CDK12: variants seen among roughly 807,000 people sequenced by gnomAD.
CDK12 encodes cyclin-dependent kinase 12.
A neutral mutation model predicts 133.8 loss-of-function variants in CDK12; 17 were observed. That is an observed-to-expected ratio of 0.13 (90% confidence interval 0.09 to 0.19). The LOEUF (loss-of-function observed/expected upper bound fraction) is 0.19, where lower values mean the gene tolerates loss of function less well. Ranked by LOEUF, CDK12 falls within the 10% of genes least tolerant of loss-of-function variation. The pLI is 1.00. For synonymous variants in CDK12, 694 were observed against 683.6 expected (o/e 1.02, Z -0.24); for missense variants, 1,508 against 1,818.7 (o/e 0.83, Z 3.11).
intron 6 of CDK12, among the ~76,000 whole-genome samples, chr17:39,505,648 T>G (rs2053066910): frequency 6.6e-6 from 1 of 152,188 alleles, no homozygotes; most frequent in Non-Finnish European, 1.5e-5. Flanking sequence ...GAAAAGAGAT[T>G]GACATGCTTT....
chr17:39,504,876 T>A (rs2052982860), intron 6 of CDK12, among the ~76,000 whole-genome samples: 1 of 11,538 alleles, frequency 8.7e-5, no homozygotes, highest in Non-Finnish European at 3.0e-4. Flanking sequence ...CAAGACCCTG[T>A]CTCAAAAAAA....
intron 2 of CDK12, among the ~76,000 whole-genome samples, chr17:39,474,370 G>A (rs1340655898): frequency 6.6e-6 from 1 of 152,134 alleles, no homozygotes; most frequent in Non-Finnish European, 1.5e-5. Context: ...CCAGGCTGGA[G>A]TGCAGTGGTG....
upstream of CDK12, chr17:39,549,450 A>C (rs1321736164): frequency 6.6e-6 from 1 of 152,190 alleles, no homozygotes; most frequent in Non-Finnish European, 1.5e-5. Context: ...TGGTGCCCAC[A>C]TGAACATCTC....
At chr17:39,538,069 A>T (rs2055223173), downstream of CDK12, among the ~76,000 whole-genome samples, 1 of 152,212 alleles carries the variant, frequency 6.6e-6, no homozygotes, top group Admixed American at 6.5e-5. Flanking sequence ...AACCCCTAGG[A>T]TACTATGAAG....
At chr17:39,467,212 C>T (rs1262645114) in intron 1 of CDK12, among the ~76,000 whole-genome samples, 1 of 151,836 alleles carries the variant, frequency 6.6e-6, no homozygotes. Flanking sequence ...CTCTTGACCT[C>T]AGGATCTGCC....
chr17:39,470,605 A>T (rs2049720566), intron 1 of CDK12, among the ~76,000 whole-genome samples: 1 of 152,126 alleles, frequency 6.6e-6, no homozygotes, highest in African/African-American at 2.4e-5. Flanking sequence ...CATAATTATA[A>T]ACTGGAGTCC....
intron 2 of CDK12, among the ~76,000 whole-genome samples, chr17:39,554,393 C>T (rs1300165156): frequency 6.6e-6 from 1 of 152,160 alleles, no homozygotes; most frequent in Non-Finnish European, 1.5e-5. Context: ...CATAGATCTT[C>T]AGAAGTGTCG....
intron 8 of CDK12, among the ~76,000 whole-genome samples, chr17:39,513,806 G>A (rs894885166): frequency 1.3e-5 from 2 of 152,192 alleles, no homozygotes; most frequent in African/African-American, 2.4e-5. Context: ...CTACTTTGGT[G>A]ATTCATGGTA....
downstream of CDK12, among the ~76,000 whole-genome samples, chr17:39,535,743 C>A (rs1448911771): frequency 4.6e-5 from 7 of 152,140 alleles, no homozygotes. Flanking sequence ...ATGGTTAATG[C>A]CTCAAAGAAG....
At position 39,471,089 on chromosome 17, in the gene CDK12, G is replaced by A. The variant is rs972592770; in HGVS notation, c.1257G>A (p.Glu419=). Residue 419 remains glutamate (E), a synonymous_variant, in exon 2 of 14, where the codon GAG becomes GAA. Transcript: ENST00000447079. ...CTGCAGCAAAGATGGATGGAAAGGA[G>A]TCCAAGGGTTCACCTGTATTTTTGC... ...AAAAAKMDGK[E]SKGSPVFLPR... 1 of 1,613,196 alleles carries A rather than the reference G, an allele frequency of 6.2e-7. No homozygotes were observed. The highest frequency in any genetic ancestry group is 2.2e-5 in the East Asian group (1 of 44,876).
downstream of CDK12, among the ~76,000 whole-genome samples, chr17:39,538,665 A>T (rs1365678133): frequency 6.6e-6 from 1 of 152,162 alleles, no homozygotes; most frequent in Admixed American, 6.5e-5. Context: ...TTGGGAGGCC[A>T]AGGTGGGTGG....
chr17:39,547,090 A>C (rs1238288266), upstream of CDK12, among the ~76,000 whole-genome samples: 1 of 145,228 alleles, frequency 6.9e-6, no homozygotes. Flanking sequence ...ACAGATGTGC[A>C]TTCTTCCTAG....
At chr17:39,516,211 A>C (rs945675370) in intron 9 of CDK12, among the ~76,000 whole-genome samples, 1 of 152,196 alleles carries the variant, frequency 6.6e-6, no homozygotes, top group African/African-American at 2.4e-5. Flanking sequence ...GAGTTTAGTA[A>C]GGTATATAGC....
chr17:39,497,542 C>G (rs1371009660), intron 5 of CDK12, among the ~76,000 whole-genome samples: 1 of 115,544 alleles, frequency 8.7e-6, no homozygotes, highest in East Asian at 2.4e-4. Flanking sequence ...GACTCTGTCT[C>G]AAAAAAAAAA....
At chr17:39,488,502 T>G (rs1417625410) in intron 2 of CDK12, among the ~76,000 whole-genome samples, 1 of 152,160 alleles carries the variant, frequency 6.6e-6, no homozygotes, top group Non-Finnish European at 1.5e-5. Context: ...ACTTACAACT[T>G]AGCTATATTT....
downstream of CDK12, among the ~76,000 whole-genome samples, chr17:39,537,648 C>T (rs2055199669): frequency 6.7e-6 from 1 of 149,268 alleles, no homozygotes; most frequent in African/African-American, 2.5e-5. Flanking sequence ...CTGCAGCCTC[C>T]ACCTCCCAGG....
At chr17:39,557,004 C>T (rs1187078885) in intron 3 of CDK12, 1 of 152,212 alleles carries the variant, frequency 6.6e-6, no homozygotes, top group African/African-American at 2.4e-5. Context: ...ATGATCTTCC[C>T]TGGGCATCTC....
chr17:39,472,583 A>T (rs1293994512), intron 2 of CDK12, among the ~76,000 whole-genome samples: 1 of 151,890 alleles, frequency 6.6e-6, no homozygotes, highest in Admixed American at 6.6e-5. Context: ...CTGAGGCAGG[A>T]GAATTGCTTG....
At chr17:39,518,544 T>G (rs1424317396) in intron 10 of CDK12, among the ~76,000 whole-genome samples, 1 of 152,122 alleles carries the variant, frequency 6.6e-6, no homozygotes, top group Non-Finnish European at 1.5e-5. Context: ...TATTTTATTT[T>G]ACTTTTTTTA....
Sources: gnomAD v4.1 joint callset for allele counts (sites outside exome capture counted in the v4.1 genomes callset) on GRCh38, gnomAD v4.1.1 for gene constraint, MANE v1.5 for transcripts, NCBI Gene and HGNC (gene_info 2026-07-23, HGNC 2026-07-21) for gene names.